The following CTSC variants were observed in gnomAD, a reference collection of about 807,000 sequenced individuals.
CTSC encodes the protein cathepsin C.
Under a neutral mutation model 40.9 loss-of-function variants are expected in CTSC, and 37 were observed. That is an observed-to-expected ratio of 0.91 (90% CI 0.70 to 1.19). CTSC has a LOEUF of 1.19. CTSC is among the 50% of genes most tolerant of loss of function. The pLI is 0.00. For synonymous variants in CTSC, 232 were observed against 207.4 expected, an observed-to-expected ratio of 1.12 and a Z score of -1.02; for missense variants, 594 against 567.3, an observed-to-expected ratio of 1.05 and a Z score of -0.48.
chr11:88,297,576 T>A (rs1314346762), intron 5 of CTSC: 1 of 152,114 alleles, frequency 6.6e-6, no homozygotes, highest in Non-Finnish European at 1.5e-5. Flanking sequence ...GGAAATAATC[T>A]CTCTCAGTAC....
At chr11:88,320,412 T>C (rs1169803912) in intron 2 of CTSC, among the ~76,000 whole-genome samples, 1 of 152,176 alleles carries the variant, frequency 6.6e-6, no homozygotes, top group Non-Finnish European at 1.5e-5. Flanking sequence ...ACCGTAAAGT[T>C]GGAAAAAAAT....
intron 2 of CTSC, among the ~76,000 whole-genome samples, chr11:88,331,423 A>G (rs1393219408): frequency 6.6e-6 from 1 of 152,192 alleles, no homozygotes; most frequent in African/African-American, 2.4e-5. Context: ...ATTTATTACA[A>G]AGGATATTTG....
At chr11:88,318,164 T>C (rs1937920456) in intron 2 of CTSC, among the ~76,000 whole-genome samples, 1 of 152,234 alleles carries the variant, frequency 6.6e-6, no homozygotes. Context: ...ATTAATAATA[T>C]ACTTAGCCAA....
chr11:88,309,400 G>A (rs754855018), intron 3 of CTSC, 82 bp from the exon 4 acceptor site: 36 of 1,204,198 alleles, frequency 3.0e-5, no homozygotes, highest in Non-Finnish European at 4.2e-5. Context: ...CACACTCTGT[G>A]CCTAAGTGGA....
intron 5 of CTSC, chr11:88,298,380 G>A (rs756250549): frequency 5.9e-5 from 9 of 152,132 alleles, no homozygotes; most frequent in Non-Finnish European, 1.3e-4. Flanking sequence ...TATAAGGCTT[G>A]TTCTTAAATC....
chr11:88,300,559 A>G lies in CTSC; in HGVS notation c.728T>C (p.Ile243Thr). Residue 243 changes from isoleucine to threonine, a missense_variant, in exon 5 of 7, where the codon ATC becomes ACC. Ile to Thr is a moderately conservative substitution (Grantham distance 89). Transcript: ENST00000227266. ...TSWDWRNVHGINFVSPVRNQA... is the reference protein window; with the variant it reads ...TSWDWRNVHGTNFVSPVRNQA... Reference sequence around the variant, plus strand: ...GTTTCGAACAGGACTGACAAAATTGATACCATGAACATTTCTCCAGTCCCA... The same window carrying G: ...GTTTCGAACAGGACTGACAAAATTGGTACCATGAACATTTCTCCAGTCCCA... The G allele has an allele frequency of 6.2e-7, 1 of 1,612,578 alleles. No individual in the cohort carries two copies. The highest frequency in any genetic ancestry group is 1.1e-5 in the South Asian group (1 of 91,052).
intron 4 of CTSC, among the ~76,000 whole-genome samples, 191 bp from the exon 5 acceptor site, chr11:88,300,836 G>A (rs60736750): frequency 0.013 from 1,990 of 148,042 alleles, 37 homozygotes; most frequent in African/African-American, 0.046. Flanking sequence ...GCTTTCATTC[G>A]CTGTTTCTTT....
intron 2 of CTSC, among the ~76,000 whole-genome samples, chr11:88,330,713 A>T (rs1342031751): frequency 2.0e-5 from 3 of 152,178 alleles, no homozygotes; most frequent in Non-Finnish European, 2.9e-5. Context: ...AAAACTTTAG[A>T]TGTCAAACTT....
chr11:88,313,928 A>G (rs1937822543), intron 2 of CTSC, among the ~76,000 whole-genome samples: 1 of 152,168 alleles, frequency 6.6e-6, no homozygotes, highest in African/African-American at 2.4e-5. Flanking sequence ...TTCTCTTGCA[A>G]CTGTTCAACT....
rs1481449033 is a variant in CTSC at position 88,296,115 on chromosome 11, C to G, written c.889+18G>C. On this transcript the variant is annotated intron_variant, in intron 6 of 6. Coordinates refer to ENST00000227266, the MANE Select transcript of CTSC (RefSeq NM_001814.6). ...CAGGTAAATAGCTCATAAATGGTGTCTGAAATGCAACACTTACCTTGAGCA... is the reference window on the plus strand; with the variant it reads ...CAGGTAAATAGCTCATAAATGGTGTGTGAAATGCAACACTTACCTTGAGCA... 6 of 1,613,280 alleles carry G rather than the reference C, an allele frequency of 3.7e-6. No homozygotes were observed. In the South Asian group the frequency reaches 6.6e-5, roughly 18 times the overall value.
At chr11:88,324,996 T>G in intron 2 of CTSC, 1 of 984,676 alleles carries the variant, frequency 1.0e-6, no homozygotes, top group Non-Finnish European at 1.2e-6. Context: ...TAGAGAAAAA[T>G]TCTTCTATTC....
chr11:88,317,917 C>T (rs1283688591), intron 2 of CTSC, among the ~76,000 whole-genome samples: 2 of 152,182 alleles, frequency 1.3e-5, no homozygotes, highest in Non-Finnish European at 2.9e-5. Context: ...CAATAACTAT[C>T]CATTTGCTTC....
intron 2 of CTSC, chr11:88,328,198 T>A: frequency 6.2e-7 from 1 of 1,604,452 alleles, no homozygotes; most frequent in South Asian, 1.1e-5. Flanking sequence ...AGTGACATCC[T>A]ACAAAGAGTT....
chr11:88,324,381 A>G, intron 2 of CTSC: 1 of 983,356 alleles, frequency 1.0e-6, no homozygotes, highest in Non-Finnish European at 1.2e-6. Context: ...CCTGAAAGTC[A>G]GCTTGAAATA....
intron 4 of CTSC, among the ~76,000 whole-genome samples, chr11:88,305,073 G>A (rs183780896): frequency 2.1e-5 from 3 of 146,120 alleles, no homozygotes; most frequent in African/African-American, 7.7e-5. Context: ...ACTCCAGCCT[G>A]GACAACACAG....
intron 4 of CTSC, among the ~76,000 whole-genome samples, chr11:88,306,327 G>A (rs1007261429): frequency 1.3e-5 from 2 of 152,062 alleles, no homozygotes; most frequent in African/African-American, 4.8e-5. Context: ...AGAAGAGGGT[G>A]GTCCCTCAGC....
At chr11:88,295,180 T>C (rs1944284550) in intron 6 of CTSC, among the ~76,000 whole-genome samples, 1 of 152,204 alleles carries the variant, frequency 6.6e-6, no homozygotes, top group Non-Finnish European at 1.5e-5. Flanking sequence ...TCACAACTAG[T>C]AGTACATATT....
chr11:88,300,995 A>G lies in CTSC; in HGVS notation c.642-350T>C, dbSNP rs116702910. On this transcript the variant is annotated intron_variant, in intron 4 of 6. Coordinates refer to ENST00000227266, the MANE Select transcript of CTSC (RefSeq NM_001814.6). ...AAGAAAGAGATGAGAAGTAGAAGAC[A>G]TAAGAAGGGTTTAGAGAAAACAGAG... 7.0e-3 allele frequency among the ~76,000 whole-genome samples: 1,065 copies of G among 152,320 alleles called. 14 individuals are homozygous for G. Among genetic ancestry groups the G allele is most frequent in the African/African-American group, 0.025 (1,028 of 41,560 alleles).
At chr11:88,296,302 C>G (rs753359308) in intron 5 of CTSC, 38 bp from the exon 6 acceptor site, 2 of 1,611,542 alleles carry the variant, frequency 1.2e-6, no homozygotes, top group Admixed American at 1.7e-5. Context: ...CAAGAGACAT[C>G]TGAAGCCTCA....
Sources: gnomAD v4.1 joint callset for allele counts (sites outside exome capture counted in the v4.1 genomes callset) on GRCh38, gnomAD v4.1.1 for gene constraint, MANE v1.5 for transcripts, NCBI Gene and HGNC (gene_info 2026-07-23, HGNC 2026-07-21) for gene names.